The following TMEM74 variants were observed in gnomAD, a reference collection of about 807,000 sequenced individuals.
The protein encoded by TMEM74 is transmembrane protein 74.
TMEM74 carries 13 observed loss-of-function variants against 18.1 expected under a neutral mutation model. The observed-to-expected ratio is 0.72, with a 90% CI of 0.47 to 1.14. The LOEUF (loss-of-function observed/expected upper bound fraction) is 1.14. Among genes scored for constraint, TMEM74 ranks in the 50% most tolerant of loss-of-function variants. The pLI, the probability that TMEM74 is intolerant of heterozygous loss-of-function variation, is 0.00. For synonymous variants in TMEM74, 159 were observed against 146.6 expected, an observed-to-expected ratio of 1.08 and a Z score of -0.61; for missense variants, 372 against 375.9, an observed-to-expected ratio of 0.99 and a Z score of 0.09.
chr8:108,716,322 T>A (rs1365130975), intron 1 of TMEM74, among the ~76,000 whole-genome samples: 1 of 152,098 alleles, frequency 6.6e-6, no homozygotes, highest in Non-Finnish European at 1.5e-5. Context: ...AAATTGATTT[T>A]AAAATTTCAG....
intron 1 of TMEM74, among the ~76,000 whole-genome samples, chr8:108,764,977 T>G (rs1042738788): frequency 6.6e-6 from 1 of 152,180 alleles, no homozygotes; most frequent in Non-Finnish European, 1.5e-5. Flanking sequence ...CTATATCACA[T>G]TTTTAGGGCT....
downstream of TMEM74, among the ~76,000 whole-genome samples, chr8:108,776,888 G>C (rs2129653744): frequency 6.6e-6 from 1 of 152,178 alleles, no homozygotes; most frequent in South Asian, 2.1e-4. Context: ...ATGATGATCA[G>C]TAATCATCTG....
intron 1 of TMEM74, among the ~76,000 whole-genome samples, chr8:108,767,649 A>G (rs940194349): frequency 1.3e-5 from 2 of 152,128 alleles, no homozygotes; most frequent in Admixed American, 6.5e-5. Context: ...TGTAACTTTG[A>G]TCAAATATTC....
chr8:108,765,493 A>G (rs757848471), intron 1 of TMEM74, among the ~76,000 whole-genome samples: 1 of 147,596 alleles, frequency 6.8e-6, no homozygotes, highest in Non-Finnish European at 1.5e-5. Flanking sequence ...TGCAACCTCC[A>G]TCTCCTGGGT....
chr8:108,699,308 G>A (rs1344308816), intron 1 of TMEM74, among the ~76,000 whole-genome samples: 1 of 150,638 alleles, frequency 6.6e-6, no homozygotes, highest in Non-Finnish European at 1.5e-5. Flanking sequence ...GCCAGTGTCT[G>A]TAACACTATG....
chr8:108,743,531 T>A (rs1813821945), intron 1 of TMEM74, among the ~76,000 whole-genome samples: 1 of 152,160 alleles, frequency 6.6e-6, no homozygotes, highest in Non-Finnish European at 1.5e-5. Flanking sequence ...ATCTTTCAAT[T>A]CCATATCTAT....
intron 1 of TMEM74, among the ~76,000 whole-genome samples, chr8:108,717,418 G>T (rs1586271765): frequency 6.6e-6 from 1 of 152,204 alleles, no homozygotes; most frequent in Admixed American, 6.5e-5. Context: ...CCATATGGAA[G>T]TTTCCTTTCT....
intron 1 of TMEM74, among the ~76,000 whole-genome samples, chr8:108,740,853 CT>C (rs1813793327): frequency 6.6e-6 from 1 of 152,166 alleles, no homozygotes; most frequent in African/African-American, 2.4e-5. Context: ...TTTGAAGAAA[CT>C]TGCACATGTG....
At chr8:108,720,741 T>A (rs1186305427) in intron 1 of TMEM74, among the ~76,000 whole-genome samples, 2 of 102,116 alleles carry the variant, frequency 2.0e-5, no homozygotes, top group Admixed American at 1.2e-4. Context: ...TTTATTTATT[T>A]ATTTATTTAT....
In TMEM74 at chr8:108,733,087, A is replaced by T. The variant is rs182976013; in HGVS notation, n.119+54389T>A. ...AAATGGTACAACCACTTTGGAAAATAGTATGGCAGTTTCCTAAAAAGTTAA... is the reference window on the plus strand; with the variant it reads ...AAATGGTACAACCACTTTGGAAAATTGTATGGCAGTTTCCTAAAAAGTTAA... On this transcript the variant is annotated intron_variant and non_coding_transcript_variant, in intron 1 of 3. Coordinates refer to the TMEM74 transcript ENST00000518838. 3.6e-3 allele frequency among the ~76,000 whole-genome samples: 546 copies of T among 152,286 alleles called. 4 individuals are homozygous for T. The highest frequency in any genetic ancestry group is 0.012 in the African/African-American group (517 of 41,558).
At chr8:108,708,284 T>G (rs1813436974) in intron 1 of TMEM74, among the ~76,000 whole-genome samples, 1 of 151,472 alleles carries the variant, frequency 6.6e-6, no homozygotes, top group Non-Finnish European at 1.5e-5. Flanking sequence ...AGTCTACTGT[T>G]GATGGGCATT....
chr8:108,613,098 G>A (rs1047916860), intron 2 of TMEM74, among the ~76,000 whole-genome samples: 2 of 152,226 alleles, frequency 1.3e-5, no homozygotes, highest in African/African-American at 2.4e-5. Flanking sequence ...ATATTCAAAT[G>A]GACAATTTGT....
chr8:108,669,506 C>A (rs1228755874), intron 1 of TMEM74, among the ~76,000 whole-genome samples: 2 of 152,128 alleles, frequency 1.3e-5, no homozygotes, highest in Non-Finnish European at 1.5e-5. Context: ...AGAAGAAAAT[C>A]ATATCCTTCA....
intron 1 of TMEM74, among the ~76,000 whole-genome samples, chr8:108,760,368 C>T (rs1814030230): frequency 6.6e-6 from 1 of 152,022 alleles, no homozygotes; most frequent in Non-Finnish European, 1.5e-5. Context: ...GCCAAGTGCA[C>T]CAGGGTAGCA....
chr8:108,679,140 T>C (rs941085491), intron 1 of TMEM74, among the ~76,000 whole-genome samples: 1 of 152,108 alleles, frequency 6.6e-6, no homozygotes, highest in African/African-American at 2.4e-5. Flanking sequence ...CTTAATCCAG[T>C]CTATTGTTGT....
At chr8:108,695,279 G>A (rs2130610519) in intron 1 of TMEM74, among the ~76,000 whole-genome samples, 1 of 152,316 alleles carries the variant, frequency 6.6e-6, no homozygotes, top group South Asian at 2.1e-4. Flanking sequence ...TGAAATTCCA[G>A]TTTAGCTAAA....
intron 1 of TMEM74, among the ~76,000 whole-genome samples, chr8:108,667,573 A>G (rs2130586615): frequency 6.6e-6 from 1 of 152,252 alleles, no homozygotes; most frequent in South Asian, 2.1e-4. Context: ...AGTAGGAACT[A>G]CTTACTGACT....
At chr8:108,634,801 C>T (rs1171047094) in intron 2 of TMEM74, among the ~76,000 whole-genome samples, 8 of 151,994 alleles carry the variant, frequency 5.3e-5, no homozygotes, top group Admixed American at 3.3e-4. Context: ...TGAATCTGCA[C>T]AGTAATGTAT....
At chr8:108,765,406 A>G (rs1398067829) in intron 1 of TMEM74, among the ~76,000 whole-genome samples, 1 of 82,704 alleles carries the variant, frequency 1.2e-5, no homozygotes, top group Non-Finnish European at 2.4e-5. Context: ...GTTTGGAACT[A>G]CTTTTTTTTT....
Sources: gnomAD v4.1 joint callset for allele counts (sites outside exome capture counted in the v4.1 genomes callset) on GRCh38, gnomAD v4.1.1 for gene constraint, MANE v1.5 for transcripts, NCBI Gene and HGNC (gene_info 2026-07-23, HGNC 2026-07-21) for gene names.